The following CSMD1 variants were observed in gnomAD, a reference collection of about 807,000 sequenced individuals.
CSMD1 encodes the protein CUB and sushi domain-containing protein 1.
Under a neutral mutation model 417.5 loss-of-function variants are expected in CSMD1, and 213 were observed. The observed-to-expected ratio is 0.51, with a 90% confidence interval of 0.46 to 0.57. CSMD1 has a LOEUF of 0.57. Among genes scored for constraint, CSMD1 ranks in the 20% least tolerant of loss-of-function variants. The pLI is 0.00. For synonymous variants in CSMD1, 2,862 were observed against 1,736.8 expected (o/e 1.65, Z -16.11); for missense variants, 6,923 against 4,529.7 (o/e 1.53, Z -15.17).
intron 12 of CSMD1, among the ~76,000 whole-genome samples, chr8:3,452,639 A>G (rs1023481173): frequency 1.3e-5 from 2 of 152,182 alleles, no homozygotes; most frequent in African/African-American, 4.8e-5. Context: ...GGGTATGTTG[A>G]ATCAGCCTTG....
At chr8:4,883,636 A>G (rs938473245) in intron 1 of CSMD1, among the ~76,000 whole-genome samples, 2 of 152,096 alleles carry the variant, frequency 1.3e-5, no homozygotes, top group Non-Finnish European at 2.9e-5. Flanking sequence ...GTTAATTCAT[A>G]TTGTAGCATG....
intron 3 of CSMD1, among the ~76,000 whole-genome samples, chr8:4,170,607 A>T (rs537124002): frequency 6.6e-6 from 1 of 152,040 alleles, no homozygotes; most frequent in Non-Finnish European, 1.5e-5. Flanking sequence ...TGTTTCTACA[A>T]ACATGAATTC....
chr8:4,782,083 G>C (rs1335618182), intron 1 of CSMD1, among the ~76,000 whole-genome samples: 2 of 152,148 alleles, frequency 1.3e-5, no homozygotes, highest in African/African-American at 2.4e-5. Context: ...AGCACAAGCA[G>C]CTAGGCTATG....
intron 25 of CSMD1, among the ~76,000 whole-genome samples, chr8:3,307,423 TTC>T (rs1265501933): frequency 2.0e-5 from 3 of 152,160 alleles, no homozygotes; most frequent in Non-Finnish European, 2.9e-5. Flanking sequence ...GATGTTTTTT[TTC>T]AGCTACTAAA....
rs192340105 is a variant in CSMD1 at position 4,585,490 on chromosome 8, T to C, written c.302+51852A>G. On this transcript the variant is annotated intron_variant, in intron 2 of 69. Transcript: ENST00000635120. ...CCTCATAAGGAGAAAAAAGAAACAA[T>C]GGAATGAAAGAAGTATTTGAAGAGA... Among the ~76,000 whole-genome samples, 306 of 151,864 alleles carry C rather than the reference T, an allele frequency of 2.0e-3. 2 individuals are homozygous for C. Among genetic ancestry groups the C allele is most frequent in the African/African-American group, 7.2e-3 (299 of 41,428 alleles).
At chr8:4,860,866 C>G (rs575168336) in intron 1 of CSMD1, among the ~76,000 whole-genome samples, 1 of 152,146 alleles carries the variant, frequency 6.6e-6, no homozygotes, top group East Asian at 1.9e-4. Context: ...CGTTCACATC[C>G]CTGCTTCTCC....
In CSMD1 at chr8:2,937,454, A is replaced by AAAAAAAAAAAAAC. The variant is rs1563163139; in HGVS notation, c.*1130_*1131insGTTTTTTTTTTTT. The AAAAAAAAAAAAAC allele has an allele frequency of 1.5e-3, 103 of 69,716 alleles. No homozygotes were observed. Among genetic ancestry groups the AAAAAAAAAAAAAC allele is most frequent in the Non-Finnish European group, 2.0e-3 (73 of 36,136 alleles). The allele number at this position is 69,716 out of a possible 1,614,324, so 4.3% of individuals were successfully genotyped here. A position where few individuals can be genotyped will look rare whatever the true frequency, so the allele number is the denominator to read the frequency against. On this transcript the variant is annotated 3_prime_UTR_variant, in exon 70 of 70. Transcript: ENST00000635120. Reference sequence around the variant, plus strand: ...GTAAAAGACAAAAAAAAAAAAAAACAAAAAAAAAACACTGCAAAAGGGAAG... The same window carrying AAAAAAAAAAAAAC: ...GTAAAAGACAAAAAAAAAAAAAAACAAAAAAAAAAAAACAAAAAAAAACACTGCAAAAGGGAAG...
chr8:3,280,562 C>G (rs1308294915), intron 26 of CSMD1, among the ~76,000 whole-genome samples: 1 of 151,990 alleles, frequency 6.6e-6, no homozygotes, highest in Non-Finnish European at 1.5e-5. Context: ...AAATTTATAC[C>G]AGAATTTGGA....
At chr8:4,116,385 A>G (rs1802148287) in intron 3 of CSMD1, among the ~76,000 whole-genome samples, 1 of 152,180 alleles carries the variant, frequency 6.6e-6, no homozygotes, top group Admixed American at 6.5e-5. Flanking sequence ...CCCATGGAAT[A>G]TACCACACCA....
intron 5 of CSMD1, among the ~76,000 whole-genome samples, chr8:3,990,494 G>A (rs1406674664): frequency 6.6e-6 from 1 of 152,034 alleles, no homozygotes; most frequent in Non-Finnish European, 1.5e-5. Flanking sequence ...TCCTCAGTCT[G>A]GACAATTTTA....
chr8:3,414,074 C>T (rs951720702), intron 12 of CSMD1, among the ~76,000 whole-genome samples: 2 of 147,308 alleles, frequency 1.4e-5, no homozygotes, highest in African/African-American at 2.5e-5. Flanking sequence ...AGGAGGTGGA[C>T]GTTGCAGTGA....
At chr8:3,308,602 G>C (rs752454683) in intron 23 of CSMD1, 99 bp from the exon 24 acceptor site, 1 of 896,524 alleles carries the variant, frequency 1.1e-6, no homozygotes, top group African/African-American at 1.7e-5. Flanking sequence ...CTCCTTGAAG[G>C]GTAGGGAGAA....
chr8:3,134,128 T>C (rs1374210442), intron 41 of CSMD1, among the ~76,000 whole-genome samples: 1 of 151,810 alleles, frequency 6.6e-6, no homozygotes, highest in Non-Finnish European at 1.5e-5. Context: ...GCCGAGAGTG[T>C]ATCACTGCAC....
chr8:3,983,575 T>C (rs1814075187), intron 5 of CSMD1, among the ~76,000 whole-genome samples: 3 of 152,228 alleles, frequency 2.0e-5, no homozygotes, highest in Admixed American at 2.0e-4. Context: ...ATTTTGTTTT[T>C]GATGTTTCTA....
At chr8:3,874,750 A>G (rs1805701630) in intron 5 of CSMD1, among the ~76,000 whole-genome samples, 1 of 152,158 alleles carries the variant, frequency 6.6e-6, no homozygotes, top group Non-Finnish European at 1.5e-5. Context: ...GTGAGAACAT[A>G]CCATGTCTGT....
chr8:3,106,222 CAAAAA>C (rs71199537), intron 46 of CSMD1, among the ~76,000 whole-genome samples: 2 of 126,238 alleles, frequency 1.6e-5, no homozygotes, highest in South Asian at 2.6e-4. Flanking sequence ...CCCATTTCTA[CAAAAA>C]AAAAAAAAAA....
chr8:4,500,019 G>T (rs1487956638), intron 2 of CSMD1, among the ~76,000 whole-genome samples: 5 of 152,088 alleles, frequency 3.3e-5, no homozygotes, highest in Non-Finnish European at 7.3e-5. Flanking sequence ...AAAGAAGCGG[G>T]AGAAGTTGTA....
At chr8:3,554,408 T>G (rs888851752) in intron 10 of CSMD1, among the ~76,000 whole-genome samples, 3 of 152,076 alleles carry the variant, frequency 2.0e-5, no homozygotes, top group East Asian at 3.9e-4. Flanking sequence ...TGAAGCCCCC[T>G]CTGGGGGTCT....
chr8:3,888,105 C>G (rs1017769983), intron 5 of CSMD1, among the ~76,000 whole-genome samples: 1 of 152,142 alleles, frequency 6.6e-6, no homozygotes, highest in East Asian at 1.9e-4. Context: ...AAAACCAACG[C>G]TCCTTTGCCT....
Sources: allele counts gnomAD v4.1 joint callset (sites outside exome capture counted in the v4.1 genomes callset), GRCh38; gene constraint gnomAD v4.1.1; transcripts MANE v1.5; gene names NCBI Gene and HGNC (gene_info 2026-07-23, HGNC 2026-07-21).